The following SCO1 variants were observed in gnomAD, a reference collection of about 807,000 sequenced individuals.
SCO1 encodes cytochrome c oxidase assembly factor SCO1.
A neutral mutation model predicts 34.0 loss-of-function variants in SCO1; 23 were observed. The ratio of observed to expected loss-of-function variants is 0.68; its 90% CI spans 0.49 to 0.96. The LOEUF (loss-of-function observed/expected upper bound fraction) is 0.96, where lower values mean the gene tolerates loss of function less well. Among genes scored for constraint, SCO1 ranks in the 40% least tolerant of loss-of-function variants. SCO1 has a pLI of 0.00. For synonymous variants in SCO1, 161 were observed against 145.5 expected, an observed-to-expected ratio of 1.11 and a Z score of -0.77; for missense variants, 404 against 381.6, an observed-to-expected ratio of 1.06 and a Z score of -0.49.
intron 4 of SCO1, among the ~76,000 whole-genome samples, chr17:10,691,446 C>T (rs1222194888): frequency 1.3e-5 from 2 of 152,164 alleles, no homozygotes; most frequent in South Asian, 2.1e-4. Context: ...ATTTATAAAA[C>T]ATGCACTGAG....
chr17:10,694,352 C>G lies in SCO1; in HGVS notation c.364+1389G>C, dbSNP rs76899884. On this transcript the variant is annotated intron_variant, in intron 2 of 5. Transcript: ENST00000255390. ...AGGTGGTATGGTTCTGAAACAGATC[C>G]TTTTGCTCTGAAAGACATCAAGTGG... Among the ~76,000 whole-genome samples, 105 of 152,238 alleles carry G rather than the reference C, an allele frequency of 6.9e-4. No homozygotes were observed. The East Asian group carries it at 0.018, about 26-fold the overall frequency.
Position 10,697,521 on chromosome 17 carries a change from C to A in SCO1, c.-14G>T. The stretch of plus-strand genomic sequence containing the variant: ...CAGCATCGCCATGAGCCTCGGAGAC[C>A]GGGTCTCCTTTGACCCTCCCCGCGA... On this transcript the variant is annotated 5_prime_UTR_variant, in exon 1 of 6. Coordinates refer to ENST00000255390, the MANE Select transcript of SCO1 (RefSeq NM_004589.4). 6.2e-7 allele frequency: 1 copy of A among 1,612,980 alleles called. No homozygotes were observed. Among genetic ancestry groups the A allele is most frequent in the Non-Finnish European group, 8.5e-7 (1 of 1,179,828 alleles).
chr17:10,688,761 C>A (rs1012185098), intron 4 of SCO1, among the ~76,000 whole-genome samples: 1 of 152,174 alleles, frequency 6.6e-6, no homozygotes, highest in Non-Finnish European at 1.5e-5. Flanking sequence ...AACTATTAGT[C>A]AGCAACAAAA....
rs1387271409 is a variant in SCO1, at chr17:10,679,275, T to C, written c.*1844A>G. Reference sequence around the variant, plus strand: ...TCTATTATTTTAAGAACACCAGTCATATAGAATTAGGGCCAACCTAGCAGC... The same window carrying C: ...TCTATTATTTTAAGAACACCAGTCACATAGAATTAGGGCCAACCTAGCAGC... On this transcript the variant is annotated 3_prime_UTR_variant, in exon 6 of 6. Transcript: ENST00000255390. 5.3e-5 allele frequency: 8 copies of C among 152,168 alleles called. No individual in the cohort carries two copies. Among genetic ancestry groups the C allele is most frequent in the Non-Finnish European group, 7.3e-5 (5 of 68,042 alleles). 9.4% of individuals were successfully genotyped at this position (152,168 alleles called of 1,614,324 possible).
At chr17:10,689,947 A>G (rs2074680190) in intron 4 of SCO1, among the ~76,000 whole-genome samples, 1 of 152,142 alleles carries the variant, frequency 6.6e-6, no homozygotes, top group South Asian at 2.1e-4. Flanking sequence ...TACGCTGGGG[A>G]AAGGACAGTC....
rs957010479 is a variant in SCO1 at position 10,673,826 on chromosome 17, G to A, written c.*7293C>T. 4 of 152,214 alleles carry A rather than the reference G, an allele frequency of 2.6e-5. No individual in the cohort carries two copies. The highest frequency in any genetic ancestry group is 5.9e-5 in the Non-Finnish European group (4 of 68,042). 9.4% of individuals were successfully genotyped at this position (152,214 alleles called of 1,614,324 possible). Reference sequence around the variant, plus strand: ...TCGATGGAGAAACGCTTGGTATACTGTGCTGAATAGAAGTTCTGACAGGGA... The same window carrying A: ...TCGATGGAGAAACGCTTGGTATACTATGCTGAATAGAAGTTCTGACAGGGA... On this transcript the variant is annotated 3_prime_UTR_variant, in exon 6 of 6. Coordinates refer to ENST00000255390, the MANE Select transcript of SCO1 (RefSeq NM_004589.4).
At chr17:10,690,067 T>C (rs150315988) in intron 4 of SCO1, among the ~76,000 whole-genome samples, 58 of 152,208 alleles carry the variant, frequency 3.8e-4, no homozygotes, top group Non-Finnish European at 7.4e-4. Flanking sequence ...GAAAGACAAA[T>C]GGAAGATCTG....
chr17:10,696,270 C>T (rs2074725117), intron 1 of SCO1, among the ~76,000 whole-genome samples: 1 of 151,932 alleles, frequency 6.6e-6, no homozygotes, highest in Non-Finnish European at 1.5e-5. Context: ...CATGGTGAAA[C>T]CCCATCTCCA....
chr17:10,691,957 A>G lies in SCO1; in HGVS notation c.570T>C (p.Ile190=), dbSNP rs1406079202. 1 of 1,610,620 alleles carries G rather than the reference A, an allele frequency of 6.2e-7. No homozygotes were observed. The highest frequency in any genetic ancestry group is 1.7e-5 in the Admixed American group (1 of 60,020). ...GTGGAGTTAGATCTGGCAGAGTTGT[A>G]ATGCTATCTGAAAGAGAGTTCCAAT... The part of the protein sequence containing the change: ...MIQVVDEIDS[I]TTLPDLTPLF... The change falls in exon 4 of 6, where the codon ATT becomes ATC. Residue 190 remains isoleucine (I), a synonymous_variant. Transcript: ENST00000255390.
In SCO1 at chr17:10,679,424, A is replaced by AG. The variant is rs1225371442; in HGVS notation, c.*1694dup. 1.3e-5 allele frequency: 2 copies of AG among 151,916 alleles called. No homozygotes were observed. The highest frequency in any genetic ancestry group is 4.9e-5 in the African/African-American group (2 of 41,174). 9.4% of individuals were successfully genotyped at this position (151,916 alleles called of 1,614,324 possible). A position where few individuals can be genotyped will look rare whatever the true frequency, so the allele number is the denominator to read the frequency against. On this transcript the variant is annotated 3_prime_UTR_variant, in exon 6 of 6. Transcript: ENST00000255390. ...ACATTATTCAACCTATAACTAGCATAGTTTTTTTTCACATACTTTTACTTT... is the reference window on the plus strand; with the variant it reads ...ACATTATTCAACCTATAACTAGCATAGGTTTTTTTTCACATACTTTTACTTT...
Position 10,674,003 on chromosome 17 carries a change from T to G in SCO1, c.*7116A>C, listed in dbSNP as rs1156571928. ...CCTGGAGGGGGAAAGATTACTTAAT[T>G]CATTATTCTTTCTTGACTTTTTCCC... On this transcript the variant is annotated 3_prime_UTR_variant, in exon 6 of 6. Transcript: ENST00000255390. The G allele has an allele frequency of 6.6e-6, 1 of 152,202 alleles. No homozygotes were observed. Among genetic ancestry groups the G allele is most frequent in the Non-Finnish European group, 1.5e-5 (1 of 68,036 alleles). The allele number at this position is 152,202 out of a possible 1,614,324, so 9.4% of individuals were successfully genotyped here.
chr17:10,697,484 G>C lies in SCO1; in HGVS notation c.24C>G (p.Pro8=). 1.2e-6 allele frequency: 2 copies of C among 1,613,454 alleles called. No homozygotes were observed. Among genetic ancestry groups the C allele is most frequent in the South Asian group, 1.1e-5 (1 of 91,044 alleles). ...CACCCAGAGGCCGCATAACTCGTCC[G>C]GGTACTAGGACCAGCATCGCCATGA... The part of the protein sequence containing the change: MAMLVLV[P]GRVMRPLGGQ... Residue 8 remains proline, a synonymous_variant, in exon 1 of 6, where the codon CCC becomes CCG. Coordinates refer to ENST00000255390, the MANE Select transcript of SCO1 (RefSeq NM_004589.4).
rs538266509 is a variant in SCO1 at position 10,691,862 on chromosome 17, A to T, written c.655+10T>A. The T allele has an allele frequency of 3.8e-5, 59 of 1,564,352 alleles. No homozygotes were observed. The highest frequency in any genetic ancestry group is 1.7e-4 in the Middle Eastern group (1 of 5,976). On this transcript the variant is annotated intron_variant, in intron 4 of 5. Coordinates refer to ENST00000255390, the MANE Select transcript of SCO1 (RefSeq NM_004589.4). ...GCTAAATAAATGTAAAGTATTATTTAAAAAAATACCTTTCACATAATTTGC... is the reference window on the plus strand; with the variant it reads ...GCTAAATAAATGTAAAGTATTATTTTAAAAAATACCTTTCACATAATTTGC...
intron 1 of SCO1, 41 bp downstream of exon 1, chr17:10,697,194 A>G: frequency 6.8e-7 from 1 of 1,475,614 alleles, no homozygotes; most frequent in South Asian, 1.4e-5. Context: ...GCTGGCCGAC[A>G]GCCGCGACGA....
rs772662160 is a variant in SCO1, at chr17:10,682,024, G to A, written c.772-771C>T. On this transcript the variant is annotated intron_variant, in intron 5 of 5. Transcript: ENST00000255390. ...CTGCCCCCCTAACCAGAGAGTCATC[G>A]TAAACTCAGCATCCATTTTCCCAGC... Among the ~76,000 whole-genome samples, 16 of 152,118 alleles carry A rather than the reference G, an allele frequency of 1.1e-4. 1 individual carries two copies. The highest frequency in any genetic ancestry group is 2.0e-4 in the Admixed American group (3 of 15,266).
chr17:10,683,731 T>C (rs767701711), intron 5 of SCO1, among the ~76,000 whole-genome samples: 7 of 149,904 alleles, frequency 4.7e-5, no homozygotes, highest in African/African-American at 7.3e-5. Context: ...TATAATAATA[T>C]AGTATTATAT....
chr17:10,675,520 A>G lies in SCO1; in HGVS notation c.*5599T>C, dbSNP rs1168221377. 3 of 152,156 alleles carry G rather than the reference A, an allele frequency of 2.0e-5. No individual in the cohort carries two copies. Among genetic ancestry groups the G allele is most frequent in the African/African-American group, 7.2e-5 (3 of 41,424 alleles). The allele number at this position is 152,156 out of a possible 1,614,324, so 9.4% of individuals were successfully genotyped here. Reference sequence around the variant, plus strand: ...GCATAAATCTTAAGTTCAAAGTTTAATATGTTTTTATGTATGTAAATCATC... The same window carrying G: ...GCATAAATCTTAAGTTCAAAGTTTAGTATGTTTTTATGTATGTAAATCATC... On this transcript the variant is annotated 3_prime_UTR_variant, in exon 6 of 6. Coordinates refer to ENST00000255390, the MANE Select transcript of SCO1 (RefSeq NM_004589.4).
chr17:10,681,070 TTTCC>T lies in SCO1; in HGVS notation c.*45_*48del, dbSNP rs1215830112. The T allele has an allele frequency of 1.2e-6, 2 of 1,611,144 alleles. No homozygotes were observed. Among genetic ancestry groups the T allele is most frequent in the Non-Finnish European group, 1.7e-6 (2 of 1,177,322 alleles). ...TTATATAGGCTCCTATGCGAGACAG[TTTCC>T]TTCCTCTTAGCAAGAGAATACTGCA... On this transcript the variant is annotated 3_prime_UTR_variant, in exon 6 of 6. Coordinates refer to ENST00000255390, the MANE Select transcript of SCO1 (RefSeq NM_004589.4).
intron 4 of SCO1, among the ~76,000 whole-genome samples, chr17:10,690,093 T>C (rs184064571): frequency 6.6e-6 from 1 of 152,244 alleles, no homozygotes; most frequent in Admixed American, 6.5e-5. Flanking sequence ...ATAAAATTAG[T>C]AGAAGAAAAC....
Sources: gnomAD v4.1 joint callset for allele counts (sites outside exome capture counted in the v4.1 genomes callset) on GRCh38, gnomAD v4.1.1 for gene constraint, MANE v1.5 for transcripts, NCBI Gene and HGNC (gene_info 2026-07-23, HGNC 2026-07-21) for gene names.